Variants in CDC42SE2 observed in about 807,000 individuals in gnomAD.
CDC42SE2 encodes the protein CDC42 small effector protein 2.
A neutral mutation model predicts 11.5 loss-of-function variants in CDC42SE2; 3 were observed. The observed-to-expected ratio is 0.26, with a 90% confidence interval of 0.12 to 0.67. CDC42SE2 has a LOEUF of 0.67. Among genes scored for constraint, CDC42SE2 ranks in the 30% least tolerant of loss-of-function variants. The pLI is 0.80. For missense variants in CDC42SE2, 82 were observed against 106.8 expected (o/e 0.77, Z 1.02); for synonymous variants, 33 against 34.8 (o/e 0.95, Z 0.18).
intron 3 of CDC42SE2, among the ~76,000 whole-genome samples, chr5:131,370,013 G>A (rs531330282): frequency 6.6e-6 from 1 of 152,232 alleles, no homozygotes; most frequent in East Asian, 1.9e-4. Flanking sequence ...ATACATCCAT[G>A]TCAGCCTATA....
chr5:131,384,577 T>C (rs192018121), intron 3 of CDC42SE2, among the ~76,000 whole-genome samples: 33 of 152,130 alleles, frequency 2.2e-4, no homozygotes, highest in African/African-American at 7.7e-4. Context: ...CCCAATAACA[T>C]TATCATATCT....
At chr5:131,212,744 G>A in the CDC42SE2 span, among the ~76,000 whole-genome samples, 11 of 152,068 alleles carry the variant, frequency 7.2e-5, no homozygotes, top group South Asian at 8.3e-4. Flanking sequence ...CATGTAGTAC[G>A]TGCCAGAATA....
At chr5:131,227,432 C>G in the CDC42SE2 span, among the ~76,000 whole-genome samples, 2 of 151,282 alleles carry the variant, frequency 1.3e-5, no homozygotes, top group African/African-American at 4.9e-5. Flanking sequence ...GTCAGGAGTT[C>G]TAGACCACCC....
At chr5:131,347,729 A>G (rs1355883013) in intron 2 of CDC42SE2, among the ~76,000 whole-genome samples, 1 of 152,238 alleles carries the variant, frequency 6.6e-6, no homozygotes, top group Non-Finnish European at 1.5e-5. Context: ...TCCCTGATGA[A>G]CATCAATGCA....
the CDC42SE2 span, among the ~76,000 whole-genome samples, chr5:131,238,263 C>T: frequency 6.6e-6 from 1 of 151,806 alleles, no homozygotes; most frequent in Non-Finnish European, 1.5e-5. Flanking sequence ...TTTGGGAGAC[C>T]GAGGCGGATG....
intron 1 of CDC42SE2, chr5:131,245,688 AGT>A (rs1756576356): frequency 6.6e-6 from 1 of 152,190 alleles, no homozygotes; most frequent in African/African-American, 2.4e-5. Flanking sequence ...TAAAAATCCC[AGT>A]GTCAGATGAA....
chr5:131,351,055 C>A (rs1300895802), intron 2 of CDC42SE2, among the ~76,000 whole-genome samples: 1 of 152,102 alleles, frequency 6.6e-6, no homozygotes, highest in African/African-American at 2.4e-5. Context: ...AAGTGATCCT[C>A]CTGCCTCAGC....
intron 1 of CDC42SE2, among the ~76,000 whole-genome samples, chr5:131,298,412 G>A (rs1162770288): frequency 3.3e-5 from 5 of 151,660 alleles, no homozygotes; most frequent in African/African-American, 4.9e-5. Flanking sequence ...ATGAGCCACC[G>A]CGCCCGGCAT....
At chr5:131,252,834 A>T (rs1756652411) in intron 1 of CDC42SE2, among the ~76,000 whole-genome samples, 1 of 152,166 alleles carries the variant, frequency 6.6e-6, no homozygotes, top group Non-Finnish European at 1.5e-5. Flanking sequence ...ACGCACAGAG[A>T]ATTTCAACTT....
At chr5:131,296,177 G>A (rs1309175710) in intron 1 of CDC42SE2, among the ~76,000 whole-genome samples, 1 of 152,152 alleles carries the variant, frequency 6.6e-6, no homozygotes, top group African/African-American at 2.4e-5. Context: ...CGTGGATTCC[G>A]TTTTGATGAG....
chr5:131,330,578 T>G (rs1335792734), intron 2 of CDC42SE2, among the ~76,000 whole-genome samples: 2 of 152,168 alleles, frequency 1.3e-5, no homozygotes, highest in African/African-American at 2.4e-5. Flanking sequence ...GGAATCACTC[T>G]CCAGGGGCAT....
chr5:131,339,260 A>G (rs976047448), intron 2 of CDC42SE2, among the ~76,000 whole-genome samples: 3 of 147,942 alleles, frequency 2.0e-5, no homozygotes, highest in Admixed American at 6.7e-5. Context: ...AAAAAAAAAA[A>G]AAAAAAAAAA....
chr5:131,311,268 G>C (rs957387238), intron 1 of CDC42SE2, among the ~76,000 whole-genome samples: 2 of 150,346 alleles, frequency 1.3e-5, no homozygotes, highest in Non-Finnish European at 3.0e-5. Flanking sequence ...TTGAATATTG[G>C]CCCACACTCT....
At chr5:131,370,239 T>G (rs372164523) in intron 3 of CDC42SE2, among the ~76,000 whole-genome samples, 2 of 151,968 alleles carry the variant, frequency 1.3e-5, no homozygotes, top group South Asian at 4.1e-4. Context: ...ATAATTACCA[T>G]GTAAAGGAAA....
chr5:131,285,867 G>A lies in CDC42SE2; in HGVS notation c.-455+21701G>A, dbSNP rs182860717. ...GTTGCCTTTATATCTGGTGAGTAGA[G>A]TTAGGCTATCACAATTGTTTCTAAA... is the stretch of plus-strand genomic sequence containing the variant. On this transcript the variant is annotated intron_variant, in intron 1 of 4. Transcript: ENST00000505065. Among the ~76,000 whole-genome samples the A allele has an allele frequency of 1.8e-3, 280 of 152,226 alleles. 2 individuals are homozygous for A. The highest frequency in any genetic ancestry group is 6.6e-3 in the African/African-American group (276 of 41,552).
At chr5:131,253,704 G>C (rs1376955537) in intron 1 of CDC42SE2, among the ~76,000 whole-genome samples, 1 of 152,190 alleles carries the variant, frequency 6.6e-6, no homozygotes, top group African/African-American at 2.4e-5. Flanking sequence ...GGCGGAGGTT[G>C]TAGTGAGCTG....
At chr5:131,298,722 C>T (rs1014543859) in intron 1 of CDC42SE2, among the ~76,000 whole-genome samples, 3 of 152,092 alleles carry the variant, frequency 2.0e-5, no homozygotes, top group Admixed American at 6.6e-5. Context: ...CTTTCCCATG[C>T]TATGCTAAGA....
chr5:131,282,201 C>G (rs1757249432), intron 1 of CDC42SE2, among the ~76,000 whole-genome samples: 2 of 151,994 alleles, frequency 1.3e-5, no homozygotes, highest in Admixed American at 6.6e-5. Context: ...TATTGCTGAC[C>G]AAAATTGTAA....
intron 1 of CDC42SE2, among the ~76,000 whole-genome samples, chr5:131,286,396 T>G (rs929462517): frequency 1.3e-5 from 2 of 149,902 alleles, no homozygotes; most frequent in African/African-American, 4.9e-5. Context: ...TTTTTTTTTT[T>G]TTTTTTTTTT....
Sources: allele counts gnomAD v4.1 joint callset (sites outside exome capture counted in the v4.1 genomes callset), GRCh38; gene constraint gnomAD v4.1.1; transcripts MANE v1.5; gene names NCBI Gene and HGNC (gene_info 2026-07-23, HGNC 2026-07-21).